Variants in C12orf57 observed in about 807,000 individuals in gnomAD.
C12orf57 encodes chromosome 12 open reading frame 57, also known as protein C10.
A neutral mutation model predicts 11.3 loss-of-function variants in C12orf57; 14 were observed. The observed-to-expected ratio is 1.24, with a 90% CI of 0.82 to 1.94. The LOEUF (loss-of-function observed/expected upper bound fraction) is 1.94, where lower values mean the gene tolerates loss of function less well. Among genes scored for constraint, C12orf57 ranks in the 30% most tolerant of loss-of-function variants. C12orf57 has a pLI of 0.00. For synonymous variants in C12orf57, 100 were observed against 74.6 expected (o/e 1.34, Z -1.76); for missense variants, 229 against 172.4 (o/e 1.33, Z -1.84).
upstream of C12orf57, chr12:6,943,875 C>G (rs115355876): frequency 2.7e-5 from 26 of 974,368 alleles, no homozygotes; most frequent in African/African-American, 8.4e-5. Context: ...ACCGGAAAGC[C>G]CCTCTTATGA....
At chr12:6,943,653 A>T (rs1555145348), upstream of C12orf57, 2 of 1,287,902 alleles carry the variant, frequency 1.6e-6, no homozygotes, top group African/African-American at 3.0e-5. Context: ...TCTAGAAATG[A>T]ATGACTTAAG....
In C12orf57 at chr12:6,944,772, C is replaced by T. The variant is rs1945755913; in HGVS notation, c.229+120C>T. On this transcript the variant is annotated intron_variant, in intron 2 of 2. Transcript: ENST00000229281. ...CTTTCTCGCCACACGGCGGCAGCCA[C>T]AATCTGACTAACATTCTTGGCACTC... is the stretch of plus-strand genomic sequence containing the variant. 2.6e-6 allele frequency: 4 copies of T among 1,544,542 alleles called. No individual in the cohort carries two copies. The East Asian group carries it at 7.0e-5, about 27-fold the overall frequency.
chr12:6,944,673 C>A (rs729970), intron 2 of C12orf57, 21 bp downstream of exon 2: 6 of 1,558,946 alleles, frequency 3.8e-6, no homozygotes, highest in Non-Finnish European at 4.3e-6. Context: ...CGCGGGAAGG[C>A]GGGTCAGACG....
At chr12:6,943,804 A>G (rs781885726), upstream of C12orf57, 13 of 885,886 alleles carry the variant, frequency 1.5e-5, no homozygotes, top group African/African-American at 1.7e-5. Context: ...TTCTCTCCAA[A>G]CACATACGCA....
At chr12:6,943,535 A>C, upstream of C12orf57, 1 of 1,287,786 alleles carries the variant, frequency 7.8e-7, no homozygotes, top group Middle Eastern at 2.1e-4. Context: ...TTTACTGCCG[A>C]ATCCAGGTCT....
upstream of C12orf57, chr12:6,943,858 GCTT>G (rs1945695106): frequency 5.3e-6 from 5 of 940,458 alleles, no homozygotes; most frequent in South Asian, 1.8e-5. Context: ...AGGCTTTCTG[GCTT>G]TTTACCGGAA....
Position 6,944,036 on chromosome 12 carries a change from G to C in C12orf57, c.-86G>C, listed in dbSNP as rs1361010540. On this transcript the variant is annotated 5_prime_UTR_variant, in exon 1 of 3. Coordinates refer to ENST00000229281, the MANE Select transcript of C12orf57 (RefSeq NM_138425.4). ...GGATGCTGTTTCCTTTCCGCTCCCA[G>C]GGGCGTTGGGAACGGTTGTAGGACG... is the stretch of plus-strand genomic sequence containing the variant. 1.1e-5 allele frequency: 18 copies of C among 1,609,432 alleles called. No homozygotes were observed. The African/African-American group carries it at 1.6e-4, about 14-fold the overall frequency.
upstream of C12orf57, chr12:6,943,639 GA>G (rs1555145339): frequency 1.6e-6 from 2 of 1,288,720 alleles, no homozygotes; most frequent in Admixed American, 2.3e-5. Context: ...AAATGTTCGC[GA>G]ACTCTAGAAA....
upstream of C12orf57, chr12:6,943,518 C>T (rs1555145290): frequency 4.7e-6 from 6 of 1,283,096 alleles, no homozygotes; most frequent in Non-Finnish European, 5.1e-6. Flanking sequence ...GGCTTTTGCT[C>T]TGGGCCTTTA....
At chr12:6,943,988 G>GCCTGGGCGCTT (rs1945709754), upstream of C12orf57, 1 of 1,586,618 alleles carries the variant, frequency 6.3e-7, no homozygotes, top group Non-Finnish European at 8.5e-7. Flanking sequence ...TTTGGGCCAC[G>GCCTGGGCGCTT]CCTGGGCGCT....
At chr12:6,943,950 A>G (rs782316405), upstream of C12orf57, 24 of 1,478,488 alleles carry the variant, frequency 1.6e-5, no homozygotes, top group South Asian at 1.9e-4. Flanking sequence ...GGTGGTCTTG[A>G]TGCAGTTGTA....
chr12:6,944,831 G>T (rs1249012969), intron 2 of C12orf57, 179 bp downstream of exon 2: 8 of 1,448,356 alleles, frequency 5.5e-6, no homozygotes, highest in Admixed American at 5.5e-5. Context: ...TTGTGCGTCC[G>T]AGTTGCGTTT....
upstream of C12orf57, chr12:6,943,545 T>C (rs1275293004): frequency 1.6e-6 from 2 of 1,288,718 alleles, no homozygotes; most frequent in East Asian, 5.5e-5. Flanking sequence ...AATCCAGGTC[T>C]CCGGGCTTAA....
At chr12:6,944,797 C>CATTCTTGGT in intron 2 of C12orf57, 145 bp downstream of exon 2, 1 of 1,504,038 alleles carries the variant, frequency 6.6e-7, no homozygotes, top group Non-Finnish European at 8.9e-7. Context: ...TCTTGGCACT[C>CATTCTTGGT]AGAGCCCAGG....
chr12:6,944,175 T>C lies in C12orf57; in HGVS notation c.52+2T>C. The C allele has an allele frequency of 6.2e-7, 1 of 1,613,988 alleles. No homozygotes were observed. Among genetic ancestry groups the C allele is most frequent in the Non-Finnish European group, 8.5e-7 (1 of 1,179,944 alleles). On this transcript the variant is annotated splice_donor_variant, in intron 1 of 2. Coordinates refer to ENST00000229281, the MANE Select transcript of C12orf57 (RefSeq NM_138425.4). LOFTEE classifies it high-confidence loss of function. ...CCTTGAGCGCTGAGCAAGCAAAGGG[T>C]GAGAATCGTCCTAGTCAAGGCATAG...
At chr12:6,945,052 T>G in intron 2 of C12orf57, 1 of 375,006 alleles carries the variant, frequency 2.7e-6, no homozygotes, top group Non-Finnish European at 4.6e-6. Flanking sequence ...ATTTTGTGCA[T>G]GAGACAAAGT....
upstream of C12orf57, chr12:6,943,893 T>G (rs1394800192): frequency 2.0e-5 from 21 of 1,075,142 alleles, no homozygotes; most frequent in East Asian, 2.7e-5. Flanking sequence ...TGATGTTTGT[T>G]GCCAATGATA....
intron 2 of C12orf57, chr12:6,944,875 A>C: frequency 7.1e-7 from 1 of 1,408,564 alleles, no homozygotes. Flanking sequence ...CTTACCCGAA[A>C]TGGTTGGGAC....
intron 2 of C12orf57, 82 bp downstream of exon 2, chr12:6,944,734 G>C: frequency 1.3e-6 from 2 of 1,589,292 alleles, no homozygotes; most frequent in Non-Finnish European, 1.7e-6. Flanking sequence ...GTGGGCCCAT[G>C]AGCGGTTGTC....
Sources: allele counts gnomAD v4.1 joint callset, GRCh38; gene constraint gnomAD v4.1.1; transcripts MANE v1.5; gene names NCBI Gene and HGNC (gene_info 2026-07-23, HGNC 2026-07-21).